Variants in FANCC observed in about 807,000 individuals in gnomAD.
FANCC encodes the protein FA complementation group C, also known as Fanconi anemia group C protein.
Under a neutral mutation model 71.3 loss-of-function variants are expected in FANCC, and 55 were observed. The observed-to-expected ratio is 0.77, with a 90% confidence interval of 0.62 to 0.97. FANCC has a LOEUF of 0.97. Among genes scored for constraint, FANCC ranks in the 50% least tolerant of loss-of-function variants. The pLI is 0.00. For synonymous variants in FANCC, 275 were observed against 244.9 expected, an observed-to-expected ratio of 1.12 and a Z score of -1.15; for missense variants, 678 against 670.9, an observed-to-expected ratio of 1.01 and a Z score of -0.12.
chr9:95,290,186 C>A (rs1391542458), intron 1 of FANCC, among the ~76,000 whole-genome samples: 1 of 152,104 alleles, frequency 6.6e-6, no homozygotes, highest in Non-Finnish European at 1.5e-5. Context: ...CCATATAAAA[C>A]CCCATTAGAA....
Position 95,291,967 on chromosome 9 carries a change from AATATAT to A in FANCC, c.-79+25553_-79+25558del, listed in dbSNP as rs34066396. Among the ~76,000 whole-genome samples, 245 of 50,406 alleles carry A rather than the reference AATATAT, an allele frequency of 4.9e-3. 8 individuals carry two copies. Among genetic ancestry groups the A allele is most frequent in the Middle Eastern group, 0.031 (2 of 64 alleles). 33.1% of individuals were successfully genotyped at this position (50,406 alleles called of 152,430 possible). A position where few individuals can be genotyped will look rare whatever the true frequency, so the allele number is the denominator to read the frequency against. On this transcript the variant is annotated intron_variant, in intron 1 of 14. Coordinates refer to ENST00000289081, the MANE Select transcript of FANCC (RefSeq NM_000136.3). The stretch of plus-strand genomic sequence containing the variant: ...TGTCTCAAAAAAAAAAAAAAAAAAA[AATATAT>A]ATATATATATATATATATATTAAGA...
At chr9:95,176,980 G>A (rs1214592109) in intron 4 of FANCC, among the ~76,000 whole-genome samples, 4 of 152,242 alleles carry the variant, frequency 2.6e-5, no homozygotes, top group Non-Finnish European at 4.4e-5. Context: ...AGATTCAGAG[G>A]GTGAGATGAG....
intron 8 of FANCC, among the ~76,000 whole-genome samples, chr9:95,130,326 A>G (rs1826710330): frequency 6.6e-6 from 1 of 151,936 alleles, no homozygotes; most frequent in Admixed American, 6.6e-5. Flanking sequence ...GAGAGAGAAT[A>G]GGGAAAAGGA....
At chr9:95,112,196 T>C (rs2072000210) in intron 12 of FANCC, among the ~76,000 whole-genome samples, 1 of 152,246 alleles carries the variant, frequency 6.6e-6, no homozygotes, top group Non-Finnish European at 1.5e-5. Context: ...ATACTTGTTT[T>C]AAGGGTAGAA....
chr9:95,276,214 A>T (rs534800079), intron 1 of FANCC, among the ~76,000 whole-genome samples: 3 of 152,268 alleles, frequency 2.0e-5, no homozygotes, highest in African/African-American at 7.2e-5. Flanking sequence ...TTTCAACGTC[A>T]ACTAACAGTT....
intron 4 of FANCC, among the ~76,000 whole-genome samples, chr9:95,183,892 G>T (rs1826540680): frequency 6.6e-6 from 1 of 152,204 alleles, no homozygotes; most frequent in Admixed American, 6.5e-5. Flanking sequence ...AAACTGGTTA[G>T]TAAAAGAAAG....
chr9:95,118,813 T>C (rs901170044), intron 10 of FANCC, among the ~76,000 whole-genome samples: 8 of 152,238 alleles, frequency 5.3e-5, no homozygotes, highest in African/African-American at 1.9e-4. Flanking sequence ...TTAGCCATTC[T>C]CCTCTTGATG....
chr9:95,204,044 G>A (rs933859046), intron 4 of FANCC, among the ~76,000 whole-genome samples: 9 of 152,104 alleles, frequency 5.9e-5, no homozygotes, highest in African/African-American at 1.7e-4. Context: ...AGAGTGGAGG[G>A]GATAACTGTA....
chr9:95,105,145 G>A (rs905133892), intron 14 of FANCC, among the ~76,000 whole-genome samples: 8 of 152,228 alleles, frequency 5.3e-5, no homozygotes, highest in East Asian at 1.9e-4. Context: ...ACTCGGATTC[G>A]TCTTAGCTGA....
intron 4 of FANCC, among the ~76,000 whole-genome samples, chr9:95,222,489 G>A (rs1829342540): frequency 6.6e-6 from 1 of 152,158 alleles, no homozygotes; most frequent in East Asian, 1.9e-4. Flanking sequence ...CCAGAGTTGG[G>A]AGAAGGACTG....
At chr9:95,196,530 T>C (rs1332357879) in intron 4 of FANCC, among the ~76,000 whole-genome samples, 2 of 151,950 alleles carry the variant, frequency 1.3e-5, no homozygotes, top group Non-Finnish European at 1.5e-5. Context: ...CTAGTTATTT[T>C]TATCTACACC....
intron 1 of FANCC, among the ~76,000 whole-genome samples, chr9:95,255,877 C>T (rs1192213420): frequency 1.3e-5 from 2 of 151,226 alleles, no homozygotes; most frequent in Admixed American, 6.6e-5. Flanking sequence ...ATGAGAACTT[C>T]GTGAAGCATA....
intron 1 of FANCC, among the ~76,000 whole-genome samples, chr9:95,276,608 C>T (rs1044754106): frequency 6.6e-6 from 1 of 152,174 alleles, no homozygotes; most frequent in Admixed American, 6.5e-5. Context: ...GAAGGCTTCA[C>T]CACATTGATT....
intron 7 of FANCC, among the ~76,000 whole-genome samples, chr9:95,140,526 C>T (rs148100332): frequency 1.2e-4 from 18 of 152,240 alleles, no homozygotes; most frequent in African/African-American, 4.3e-4. Context: ...AAATTCTTCA[C>T]AAGAAAGGTT....
chr9:95,260,698 A>C (rs957151068), intron 1 of FANCC, among the ~76,000 whole-genome samples: 9 of 151,964 alleles, frequency 5.9e-5, no homozygotes, highest in Non-Finnish European at 1.2e-4. Context: ...AAAAAAAAAA[A>C]AAAACTTCCA....
At chr9:95,121,328 G>C (rs542075754) in intron 10 of FANCC, among the ~76,000 whole-genome samples, 1 of 152,106 alleles carries the variant, frequency 6.6e-6, no homozygotes, top group Non-Finnish European at 1.5e-5. Flanking sequence ...AACAGAACAG[G>C]GACAAGAGGA....
At chr9:95,310,699 A>AT (rs1835343540) in intron 1 of FANCC, among the ~76,000 whole-genome samples, 1 of 152,196 alleles carries the variant, frequency 6.6e-6, no homozygotes, top group Non-Finnish European at 1.5e-5. Flanking sequence ...TAGAGGTAGT[A>AT]TCAGTGTTCC....
intron 4 of FANCC, among the ~76,000 whole-genome samples, chr9:95,200,244 AC>A (rs746749825): frequency 2.0e-5 from 3 of 152,152 alleles, no homozygotes; most frequent in Non-Finnish European, 2.9e-5. Flanking sequence ...TCACATTAGT[AC>A]CCACCACTTA....
intron 4 of FANCC, among the ~76,000 whole-genome samples, chr9:95,182,835 G>A (rs554015302): frequency 1.3e-5 from 2 of 152,226 alleles, no homozygotes; most frequent in South Asian, 4.2e-4. Flanking sequence ...AAGTGGAGGA[G>A]GGAGAGGCAA....
Sources: gnomAD v4.1 joint callset for allele counts (sites outside exome capture counted in the v4.1 genomes callset) on GRCh38, gnomAD v4.1.1 for gene constraint, MANE v1.5 for transcripts, NCBI Gene and HGNC (gene_info 2026-07-23, HGNC 2026-07-21) for gene names.